Variants in PAX7 observed in about 807,000 individuals in gnomAD.
PAX7 encodes the protein paired box 7, also known as paired box protein Pax-7.
Under a neutral mutation model 50.7 loss-of-function variants are expected in PAX7, and 18 were observed. The observed-to-expected ratio is 0.36, with a 90% CI of 0.25 to 0.53. The LOEUF is 0.53. Among genes scored for constraint, PAX7 ranks in the 20% least tolerant of loss-of-function variants. The probability of loss-of-function intolerance (pLI) is 0.93; values close to 1 mark genes in which losing one functional copy is unlikely to be tolerated. For missense variants in PAX7, 644 were observed against 702.9 expected, an observed-to-expected ratio of 0.92 and a Z score of 0.95; for synonymous variants, 310 against 290.4, an observed-to-expected ratio of 1.07 and a Z score of -0.69.
chr1:18,650,078 G>T (rs1267819289), intron 4 of PAX7, among the ~76,000 whole-genome samples: 1 of 152,220 alleles, frequency 6.6e-6, no homozygotes, highest in Admixed American at 6.5e-5. Context: ...CTCCGGGGAG[G>T]CAGGGCTTTG....
intron 4 of PAX7, among the ~76,000 whole-genome samples, chr1:18,656,306 C>T (rs1390336578): frequency 4.0e-5 from 6 of 151,876 alleles, no homozygotes; most frequent in Admixed American, 3.3e-4. Flanking sequence ...CCAGCCTGGA[C>T]AACATGGTGA....
chr1:18,730,930 G>A (rs2089638587), intron 7 of PAX7, among the ~76,000 whole-genome samples: 1 of 152,010 alleles, frequency 6.6e-6, no homozygotes, highest in African/African-American at 2.4e-5. Context: ...GGCCGTGGCG[G>A]GTGGGGGGAA....
At chr1:18,681,693 TTATTTTATTTTATTTTATTTTA>T (rs1299731704) in intron 4 of PAX7, among the ~76,000 whole-genome samples, 4 of 12,050 alleles carry the variant, frequency 3.3e-4, no homozygotes, top group African/African-American at 7.8e-4. Flanking sequence ...GGCTTAGAAT[TTATTTTATTTTATTTTATTTTA>T]TTTTATTTTA....
intron 4 of PAX7, among the ~76,000 whole-genome samples, chr1:18,654,536 T>A (rs1312248580): frequency 6.6e-6 from 1 of 152,198 alleles, no homozygotes; most frequent in Non-Finnish European, 1.5e-5. Flanking sequence ...CTCACCCACT[T>A]CTTCCCAGCG....
intron 4 of PAX7, among the ~76,000 whole-genome samples, chr1:18,668,552 A>C (rs1381898592): frequency 6.6e-6 from 1 of 152,122 alleles, no homozygotes; most frequent in Non-Finnish European, 1.5e-5. Flanking sequence ...AATTTAAAAA[A>C]AATTAGCTGG....
At chr1:18,682,608 C>T (rs561050227) in intron 4 of PAX7, among the ~76,000 whole-genome samples, 60 of 152,290 alleles carry the variant, frequency 3.9e-4, no homozygotes, top group African/African-American at 1.3e-3. Flanking sequence ...TCCCACCCTG[C>T]CACCTTCTGG....
intron 7 of PAX7, among the ~76,000 whole-genome samples, chr1:18,715,179 C>G (rs1477332210): frequency 1.3e-5 from 2 of 151,982 alleles, no homozygotes; most frequent in Non-Finnish European, 2.9e-5. Flanking sequence ...TCTCCACCAC[C>G]CCATTGTCAT....
chr1:18,641,448 C>T (rs982400930), intron 4 of PAX7, among the ~76,000 whole-genome samples: 5 of 152,116 alleles, frequency 3.3e-5, no homozygotes, highest in Non-Finnish European at 7.4e-5. Context: ...AGGCTCGGTT[C>T]CCGGATTGAG....
At chr1:18,721,028 GAGC>G (rs1035301314) in intron 7 of PAX7, among the ~76,000 whole-genome samples, 2 of 152,028 alleles carry the variant, frequency 1.3e-5, no homozygotes, top group Non-Finnish European at 2.9e-5. Flanking sequence ...TGGTCCACGG[GAGC>G]AGCAGCAGCA....
At position 18,744,981 on chromosome 1, in the gene PAX7, C is replaced by A; in HGVS notation, c.*52C>A. 1.8e-6 allele frequency: 2 copies of A among 1,081,766 alleles called. No individual in the cohort carries two copies. The highest frequency in any genetic ancestry group is 2.8e-6 in the Non-Finnish European group (2 of 724,854). 67.0% of individuals were successfully genotyped at this position (1,081,766 alleles called of 1,614,324 possible). A position where few individuals can be genotyped will look rare whatever the true frequency, so the allele number is the denominator to read the frequency against. ...CAATTCCCAGCCCAACCCTAACTGA[C>A]CCCTGAGCTTCCCAGCCTTGCCGCC... On this transcript the variant is annotated 3_prime_UTR_variant, in exon 9 of 9. Coordinates refer to ENST00000420770, the MANE Select transcript of PAX7 (RefSeq NM_001135254.2).
At chr1:18,657,088 G>A (rs1254528877) in intron 4 of PAX7, among the ~76,000 whole-genome samples, 1 of 152,134 alleles carries the variant, frequency 6.6e-6, no homozygotes, top group Non-Finnish European at 1.5e-5. Context: ...AGGAATATCA[G>A]GAATGTCCTT....
At chr1:18,693,094 T>C (rs2089099331) in intron 5 of PAX7, among the ~76,000 whole-genome samples, 2 of 152,210 alleles carry the variant, frequency 1.3e-5, no homozygotes, top group South Asian at 2.1e-4. Flanking sequence ...ACGGCTCTTG[T>C]GGGAATCCAT....
chr1:18,735,510 G>C lies in PAX7; in HGVS notation c.1156-122G>C. ...GTAAACTGAGGACCTCGAAGCTACA[G>C]AGACTTCAAGGGAACAACTCTGGCA... On this transcript the variant is annotated intron_variant, in intron 7 of 8. Coordinates refer to ENST00000420770, the MANE Select transcript of PAX7 (RefSeq NM_001135254.2). This position sits in a 1 kb window ranked among gnomAD's most constrained non-coding sequence, Gnocchi z 4.0. 1 of 1,494,776 alleles carries C rather than the reference G, an allele frequency of 6.7e-7. No homozygotes were observed. The highest frequency in any genetic ancestry group is 8.9e-7 in the Non-Finnish European group (1 of 1,119,794). The allele number at this position is 1,494,776 out of a possible 1,614,324, so 92.6% of individuals were successfully genotyped here. A position where few individuals can be genotyped will look rare whatever the true frequency, so the allele number is the denominator to read the frequency against.
intron 4 of PAX7, among the ~76,000 whole-genome samples, chr1:18,669,751 T>C (rs894750551): frequency 9.2e-5 from 14 of 152,204 alleles, no homozygotes; most frequent in African/African-American, 3.4e-4. Context: ...TTGGCCTCTC[T>C]GAGTTCTGGC....
chr1:18,708,001 C>T (rs2089305588), intron 7 of PAX7, among the ~76,000 whole-genome samples: 1 of 152,106 alleles, frequency 6.6e-6, no homozygotes, highest in Non-Finnish European at 1.5e-5. Flanking sequence ...ACCCTTGAGG[C>T]TTGGTTCCCT....
Position 18,631,796 on chromosome 1 carries a change from G to C in PAX7, c.85+108G>C, listed in dbSNP as rs535518507. 216 of 901,672 alleles carry C rather than the reference G, an allele frequency of 2.4e-4. 1 individual carries two copies. The African/African-American group carries it at 3.2e-3, about 13-fold the overall frequency. 55.9% of individuals were successfully genotyped at this position (901,672 alleles called of 1,614,324 possible). A position where few individuals can be genotyped will look rare whatever the true frequency, so the allele number is the denominator to read the frequency against. On this transcript the variant is annotated intron_variant, in intron 1 of 8. Coordinates refer to ENST00000420770, the MANE Select transcript of PAX7 (RefSeq NM_001135254.2). ...GGTGGCGGCGCCGGCGATAGCAGAG[G>C]GATCCCGTTCTCTTCTGGGTCCCAG...
At chr1:18,669,524 GTATTTGCATCTGGAA>G (rs2088713086) in intron 4 of PAX7, among the ~76,000 whole-genome samples, 1 of 152,230 alleles carries the variant, frequency 6.6e-6, no homozygotes, top group African/African-American at 2.4e-5. Context: ...TCTGGGCTCA[GTATTTGCATCTGGAA>G]GACAATGAGT....
At chr1:18,743,253 G>C (rs1006403309) in intron 8 of PAX7, among the ~76,000 whole-genome samples, 1 of 152,242 alleles carries the variant, frequency 6.6e-6, no homozygotes, top group South Asian at 2.1e-4. Flanking sequence ...GAATAGATGA[G>C]GTGGGATGCC....
At chr1:18,658,405 C>T (rs747564693) in intron 4 of PAX7, among the ~76,000 whole-genome samples, 5 of 152,218 alleles carry the variant, frequency 3.3e-5, no homozygotes, top group Non-Finnish European at 7.3e-5. Context: ...ATAATCACCC[C>T]GTTTCCGAAC....
Sources: gnomAD v4.1 joint callset for allele counts (sites outside exome capture counted in the v4.1 genomes callset) on GRCh38, gnomAD v4.1.1 for gene constraint, Gnocchi (gnomAD v3.1) non-coding constraint, MANE v1.5 for transcripts, NCBI Gene and HGNC (gene_info 2026-07-23, HGNC 2026-07-21) for gene names.